The following SIN3A variants were observed in gnomAD, a reference collection of about 807,000 sequenced individuals.
The protein encoded by SIN3A is paired amphipathic helix protein Sin3a.
Under a neutral mutation model 146.1 loss-of-function variants are expected in SIN3A, and 14 were observed. The observed-to-expected ratio is 0.10, with a 90% CI of 0.06 to 0.15. The LOEUF is 0.15. Among genes scored for constraint, SIN3A ranks in the 10% least tolerant of loss-of-function variants. The pLI is 1.00. For synonymous variants in SIN3A, 572 were observed against 572.0 expected (o/e 1.00, Z 0.00); for missense variants, 1,028 against 1,576.0 (o/e 0.65, Z 5.89).
intron 5 of SIN3A, among the ~76,000 whole-genome samples, chr15:75,412,115 TA>T (rs1194371497): frequency 4.6e-5 from 7 of 152,190 alleles, no homozygotes; most frequent in African/African-American, 1.7e-4. Context: ...TAGCTCCACA[TA>T]AAAAAGTCTT....
At chr15:75,410,392 A>G (rs2073610314) in intron 6 of SIN3A, 106 bp from the exon 7 acceptor site, 1 of 1,158,886 alleles carries the variant, frequency 8.6e-7, no homozygotes, top group East Asian at 2.4e-5. Flanking sequence ...GCATGTAAGA[A>G]GAAAGTCTAT....
At chr15:75,440,982 CAAAAAAAAAAAA>C (rs769091157) in intron 1 of SIN3A, among the ~76,000 whole-genome samples, 2 of 71,580 alleles carry the variant, frequency 2.8e-5, no homozygotes, top group Non-Finnish European at 5.7e-5. Flanking sequence ...GACTCTGTCT[CAAAAAAAAAAAA>C]AAAAAAAAGA....
rs777570528 is a variant in SIN3A, at chr15:75,381,681, G to C, written c.3220C>G (p.Gln1074Glu). ...AGAAGCTCAATAGTCAGCTGGACCT[G>C]GCCTTGGCTCTGAATAAACATAAGC... Reference protein sequence around the residue: ...FKLMFIQSQGQVQLTIELLDT... With the variant: ...FKLMFIQSQGEVQLTIELLDT... The change falls in exon 18 of 21, where the codon CAG becomes GAG. Residue 1074 changes from glutamine to glutamate, a missense_variant. Coordinates refer to ENST00000394947, the MANE Select transcript of SIN3A (RefSeq NM_001145358.2). 5 of 1,613,862 alleles carry C rather than the reference G, an allele frequency of 3.1e-6. No individual in the cohort carries two copies. In the South Asian group the frequency reaches 5.5e-5, roughly 18 times the overall value.
Position 75,413,107 on chromosome 15 carries a change from A to C in SIN3A, c.474-62T>G. 4 of 1,504,128 alleles carry C rather than the reference A, an allele frequency of 2.7e-6. No individual in the cohort carries two copies. In the South Asian group the frequency reaches 5.0e-5, roughly 19 times the overall value. The allele number at this position is 1,504,128 out of a possible 1,614,324, so 93.2% of individuals were successfully genotyped here. A position where few individuals can be genotyped will look rare whatever the true frequency, so the allele number is the denominator to read the frequency against. ...GCTTAACAAACACCCTGTTAAGAAAAAATTTCATGTTTTTTTTTCTTTTGA... is the reference window on the plus strand; with the variant it reads ...GCTTAACAAACACCCTGTTAAGAAACAATTTCATGTTTTTTTTTCTTTTGA... On this transcript the variant is annotated intron_variant, in intron 4 of 20. Coordinates refer to ENST00000394947, the MANE Select transcript of SIN3A (RefSeq NM_001145358.2).
intron 3 of SIN3A, 123 bp downstream of exon 3, chr15:75,422,524 A>G: frequency 8.7e-7 from 1 of 1,148,908 alleles, no homozygotes. Context: ...AAAAACGGTA[A>G]AACTTGTGAT....
chr15:75,404,973 C>A (rs1433999590), intron 9 of SIN3A, among the ~76,000 whole-genome samples: 1 of 151,778 alleles, frequency 6.6e-6, no homozygotes, highest in Admixed American at 6.6e-5. Context: ...TTGAGACCCC[C>A]TCTCTCCAAA....
At position 75,375,844 on chromosome 15, in the gene SIN3A, G is replaced by A. The variant is rs763801195; in HGVS notation, c.3412C>T (p.Arg1138Cys). ...TCCTTTTCCTGCTGCTCTCGACCAC[G>A]TTGACACTTCCGGATCCGCCGTAGA... Reference protein sequence around the residue: ...RNLRRIRKCQRGREQQEKEGK... With the variant: ...RNLRRIRKCQCGREQQEKEGK... The change falls in exon 20 of 21, where the codon CGT (arginine) becomes TGT (cysteine). Residue 1138 changes from arginine to cysteine, a missense_variant. Around this residue, in one of 9 missense-constraint regions of SIN3A, gnomAD observed 488 missense variants for 690.2 expected, o/e 0.71. Transcript: ENST00000394947. 3 of 1,613,946 alleles carry A rather than the reference G, an allele frequency of 1.9e-6. No individual in the cohort carries two copies. Among genetic ancestry groups the A allele is most frequent in the Non-Finnish European group, 2.5e-6 (3 of 1,180,036 alleles).
intron 20 of SIN3A, among the ~76,000 whole-genome samples, chr15:75,373,794 A>G (rs1362524511): frequency 6.6e-6 from 1 of 152,014 alleles, no homozygotes; most frequent in Non-Finnish European, 1.5e-5. Context: ...TGCAGTATAT[A>G]TAATACATAC....
intron 1 of SIN3A, among the ~76,000 whole-genome samples, chr15:75,435,863 G>A (rs1173695178): frequency 6.6e-6 from 1 of 152,138 alleles, no homozygotes; most frequent in Non-Finnish European, 1.5e-5. Flanking sequence ...AGTGATTCAT[G>A]CCTGTAATCC....
At chr15:75,382,476 C>A (rs772007459) in intron 17 of SIN3A, among the ~76,000 whole-genome samples, 3 of 152,134 alleles carry the variant, frequency 2.0e-5, no homozygotes, top group African/African-American at 7.2e-5. Flanking sequence ...GTGGGTTGGA[C>A]GTCTAGGATG....
At chr15:75,383,766 T>G (rs1256869295) in intron 17 of SIN3A, among the ~76,000 whole-genome samples, 1 of 152,060 alleles carries the variant, frequency 6.6e-6, no homozygotes, top group Non-Finnish European at 1.5e-5. Flanking sequence ...AGACTACAGG[T>G]GCACGCTACC....
chr15:75,396,061 C>T (rs549559682), intron 13 of SIN3A, among the ~76,000 whole-genome samples, 197 bp downstream of exon 13: 2 of 152,134 alleles, frequency 1.3e-5, no homozygotes, highest in South Asian at 4.1e-4. Context: ...CATGAACTTA[C>T]AAGATTTGTT....
intron 1 of SIN3A, among the ~76,000 whole-genome samples, chr15:75,442,598 G>A (rs1409346600): frequency 1.5e-5 from 2 of 135,144 alleles, no homozygotes; most frequent in African/African-American, 5.6e-5. Context: ...GGGCAACATA[G>A]TGAGATAGAT....
chr15:75,375,486 C>A (rs2072837660), intron 20 of SIN3A, among the ~76,000 whole-genome samples, 179 bp downstream of exon 20: 1 of 152,230 alleles, frequency 6.6e-6, no homozygotes, highest in African/African-American at 2.4e-5. Flanking sequence ...ATTTAAGCCA[C>A]AGTCTGTGGT....
At chr15:75,443,064 C>CA (rs1251585270) in intron 1 of SIN3A, among the ~76,000 whole-genome samples, 5 of 152,088 alleles carry the variant, frequency 3.3e-5, no homozygotes, top group Admixed American at 1.3e-4. Context: ...GTGATCCTCC[C>CA]ATCTCAGCCT....
intron 3 of SIN3A, chr15:75,419,274 G>T (rs916601289): frequency 1.3e-5 from 2 of 152,076 alleles, no homozygotes; most frequent in African/African-American, 4.8e-5. Flanking sequence ...TTTCATTAAT[G>T]ACCAACTTAA....
At chr15:75,417,428 T>C (rs1478371191) in intron 3 of SIN3A, among the ~76,000 whole-genome samples, 4 of 151,292 alleles carry the variant, frequency 2.6e-5, no homozygotes, top group African/African-American at 9.7e-5. Context: ...CAGGCTAGAG[T>C]GCAATGGCGC....
rs2072759885 is a variant in SIN3A at position 75,371,982 on chromosome 15, A to G, written c.3819T>C (p.Pro1273=). The G allele has an allele frequency of 6.2e-7, 1 of 1,613,878 alleles. No individual in the cohort carries two copies. Among genetic ancestry groups the G allele is most frequent in the South Asian group, 1.1e-5 (1 of 91,086 alleles). The part of the protein sequence containing the change: ...RVKYGTVFKA[P] ...GTTATCTGCTCTGGCTTTGCAGTTAAGGGGCTTTGAATACTGTGCCGTATT... is the reference window on the plus strand; with the variant it reads ...GTTATCTGCTCTGGCTTTGCAGTTAGGGGGCTTTGAATACTGTGCCGTATT... Residue 1273 remains proline (P), a synonymous_variant, in exon 21 of 21, where the codon CCT becomes CCC. Transcript: ENST00000394947.
chr15:75,440,973 ACT>A (rs1379031653), intron 1 of SIN3A, among the ~76,000 whole-genome samples: 1 of 124,930 alleles, frequency 8.0e-6, no homozygotes, highest in African/African-American at 3.4e-5. Flanking sequence ...CAGAGCGAAG[ACT>A]CTGTCTCAAA....
Sources: allele counts gnomAD v4.1 joint callset (sites outside exome capture counted in the v4.1 genomes callset), GRCh38; gene constraint gnomAD v4.1.1; regional missense constraint gnomAD v4.1.1; transcripts MANE v1.5; gene names NCBI Gene and HGNC (gene_info 2026-07-23, HGNC 2026-07-21).